INSC: variants seen among roughly 807,000 people sequenced by gnomAD.
The protein encoded by INSC is INSC spindle orientation adaptor protein.
A neutral mutation model predicts 58.6 loss-of-function variants in INSC; 67 were observed. The ratio of observed to expected loss-of-function variants is 1.14; its 90% CI spans 0.94 to 1.40. INSC has a LOEUF of 1.40. Among genes scored for constraint, INSC ranks in the 40% most tolerant of loss-of-function variants. The pLI is 0.00. For synonymous variants in INSC, 262 were observed against 276.1 expected, an observed-to-expected ratio of 0.95 and a Z score of 0.51; for missense variants, 714 against 692.0, an observed-to-expected ratio of 1.03 and a Z score of -0.36.
chr11:15,238,304 G>A (rs1482588508), intron 10 of INSC, among the ~76,000 whole-genome samples: 1 of 152,148 alleles, frequency 6.6e-6, no homozygotes, highest in Admixed American at 6.5e-5. Flanking sequence ...TTTCCAGGTT[G>A]AATTTACTCT....
intron 9 of INSC, among the ~76,000 whole-genome samples, chr11:15,229,010 G>A (rs1851746543): frequency 2.0e-5 from 3 of 152,134 alleles, no homozygotes; most frequent in Admixed American, 6.5e-5. Context: ...GTATTTTCCA[G>A]GAGCCATACT....
chr11:15,117,045 C>T (rs563171213), intron 1 of INSC, among the ~76,000 whole-genome samples: 9 of 150,330 alleles, frequency 6.0e-5, no homozygotes, highest in East Asian at 2.0e-4. Context: ...CGGATTCAAG[C>T]GATTCTCCTG....
At chr11:15,112,617 TG>T, upstream of INSC, 2 of 539,904 alleles carry the variant, frequency 3.7e-6, no homozygotes, top group South Asian at 4.1e-5. Flanking sequence ...TGTGTGTGTG[TG>T]TGTGTGTGTG....
intron 6 of INSC, among the ~76,000 whole-genome samples, chr11:15,199,272 A>G (rs1182848234): frequency 6.6e-6 from 1 of 152,184 alleles, no homozygotes; most frequent in African/African-American, 2.4e-5. Flanking sequence ...GGGGAATTCA[A>G]CCACCCCAAA....
rs147121483 is a variant in INSC at position 15,221,947 on chromosome 11, T to C, written c.991+299T>C. On this transcript the variant is annotated intron_variant, in intron 8 of 12. Transcript: ENST00000379556. The stretch of plus-strand genomic sequence containing the variant: ...GTCCAGGACAAGCCCCAGAAAGGAA[T>C]GGGGCCTCAAATTTTGACGTTCAGA... 8.6e-4 allele frequency among the ~76,000 whole-genome samples: 131 copies of C among 152,222 alleles called. 3 individuals carry two copies. Among genetic ancestry groups the C allele is most frequent in the African/African-American group, 3.1e-3 (127 of 41,546 alleles).
chr11:15,239,113 G>C, intron 11 of INSC, 39 bp downstream of exon 11: 1 of 1,583,298 alleles, frequency 6.3e-7, no homozygotes, highest in Non-Finnish European at 8.6e-7. Flanking sequence ...AGTGGAGTGG[G>C]GGTATTGGGG....
intron 2 of INSC, among the ~76,000 whole-genome samples, chr11:15,164,696 T>C (rs1849135145): frequency 6.6e-6 from 1 of 152,224 alleles, no homozygotes; most frequent in South Asian, 2.1e-4. Context: ...TTATTGCTTC[T>C]TTCTTCTTCG....
At chr11:15,217,302 A>G (rs1564909050) in intron 7 of INSC, among the ~76,000 whole-genome samples, 1 of 152,224 alleles carries the variant, frequency 6.6e-6, no homozygotes, top group Non-Finnish European at 1.5e-5. Flanking sequence ...TCACAAGAAC[A>G]GCATGACTCA....
chr11:15,116,619 A>G (rs1355207550), intron 1 of INSC, among the ~76,000 whole-genome samples: 2 of 152,078 alleles, frequency 1.3e-5, no homozygotes, highest in Non-Finnish European at 2.9e-5. Context: ...CATCCTGGCT[A>G]TTCTCTTCTG....
chr11:15,173,799 A>T (rs1178754082), intron 2 of INSC, among the ~76,000 whole-genome samples: 2 of 152,216 alleles, frequency 1.3e-5, no homozygotes, highest in Non-Finnish European at 1.5e-5. Flanking sequence ...TAAACATAAG[A>T]TGTGTGGTTA....
At chr11:15,256,301 C>T in the INSC span, among the ~76,000 whole-genome samples, 26 of 152,146 alleles carry the variant, frequency 1.7e-4, no homozygotes, top group Admixed American at 1.3e-3. Flanking sequence ...AAAATTTATT[C>T]TTTAAACCTC....
At chr11:15,204,763 G>C (rs1340406026) in intron 7 of INSC, among the ~76,000 whole-genome samples, 2 of 152,228 alleles carry the variant, frequency 1.3e-5, no homozygotes, top group African/African-American at 4.8e-5. Flanking sequence ...AGCCTTCTCC[G>C]CCTGATTTAC....
At chr11:15,235,422 C>T (rs1406653169) in intron 9 of INSC, among the ~76,000 whole-genome samples, 180 bp from the exon 10 acceptor site, 2 of 152,208 alleles carry the variant, frequency 1.3e-5, no homozygotes, top group African/African-American at 4.8e-5. Context: ...CGGGGAAATA[C>T]ATCTGGGTGG....
chr11:15,245,068 A>G (rs1852506067), intron 12 of INSC, among the ~76,000 whole-genome samples: 1 of 152,218 alleles, frequency 6.6e-6, no homozygotes, highest in South Asian at 2.1e-4. Context: ...ATACAGAGAA[A>G]TAGAAAACAA....
intron 1 of INSC, among the ~76,000 whole-genome samples, chr11:15,135,852 G>A (rs1674466070): frequency 6.6e-6 from 1 of 152,202 alleles, no homozygotes; most frequent in Non-Finnish European, 1.5e-5. Flanking sequence ...AGGCTGAGAA[G>A]TCCAATATCA....
chr11:15,231,578 G>T (rs1851927724), intron 9 of INSC, among the ~76,000 whole-genome samples: 1 of 152,216 alleles, frequency 6.6e-6, no homozygotes, highest in Admixed American at 6.5e-5. Context: ...TGACATTGTT[G>T]CTGCAAATTT....
At chr11:15,149,881 C>G (rs751785854) in intron 2 of INSC, among the ~76,000 whole-genome samples, 2 of 152,076 alleles carry the variant, frequency 1.3e-5, no homozygotes, top group African/African-American at 2.4e-5. Flanking sequence ...CTTAAGGTCA[C>G]AAGAAATTAA....
At chr11:15,116,948 T>TTCCTTCC (rs1847742240) in intron 1 of INSC, among the ~76,000 whole-genome samples, 2 of 64,382 alleles carry the variant, frequency 3.1e-5, no homozygotes, top group Non-Finnish European at 6.7e-5. Context: ...TCCTTCCTTC[T>TTCCTTCC]TTCCTTCCTT....
chr11:15,155,128 G>A (rs1848771358), intron 2 of INSC, among the ~76,000 whole-genome samples: 1 of 152,288 alleles, frequency 6.6e-6, no homozygotes, highest in South Asian at 2.1e-4. Context: ...CTAACATTCT[G>A]CAAAATTTGA....
Sources: gnomAD v4.1 joint callset for allele counts (sites outside exome capture counted in the v4.1 genomes callset) on GRCh38, gnomAD v4.1.1 for gene constraint, MANE v1.5 for transcripts, NCBI Gene and HGNC (gene_info 2026-07-23, HGNC 2026-07-21) for gene names.